SMNDC1: variants seen among roughly 807,000 people sequenced by gnomAD.
SMNDC1 encodes survival of motor neuron-related-splicing factor 30.
Under a neutral mutation model 29.2 loss-of-function variants are expected in SMNDC1, and 5 were observed. The ratio of observed to expected loss-of-function variants is 0.17; its 90% CI spans 0.09 to 0.36. The LOEUF (loss-of-function observed/expected upper bound fraction) is 0.36. Ranked by LOEUF, SMNDC1 falls within the 10% of genes least tolerant of loss-of-function variation. The pLI is 1.00. For missense variants in SMNDC1, 142 were observed against 268.5 expected, an observed-to-expected ratio of 0.53 and a Z score of 3.29; for synonymous variants, 80 against 89.9, an observed-to-expected ratio of 0.89 and a Z score of 0.62.
At chr10:110,294,314 C>A in intron 5 of SMNDC1, 27 bp from the exon 6 acceptor site, 1 of 1,546,118 alleles carries the variant, frequency 6.5e-7, no homozygotes, top group Non-Finnish European at 8.7e-7. Context: ...AGAAATCATT[C>A]CTGATTAGTG....
chr10:110,304,400 C>G (rs1220740319), intron 1 of SMNDC1: 1 of 152,418 alleles, frequency 6.6e-6, no homozygotes, highest in Non-Finnish European at 1.5e-5. Context: ...CACCTCAAAG[C>G]CCGCCACAAC....
chr10:110,296,748 C>CT (rs1857567215), intron 4 of SMNDC1, among the ~76,000 whole-genome samples: 1 of 152,154 alleles, frequency 6.6e-6, no homozygotes, highest in Non-Finnish European at 1.5e-5. Context: ...CTTACAAGCT[C>CT]TTTATGTTCT....
chr10:110,301,380 G>A (rs1489701556), intron 2 of SMNDC1, among the ~76,000 whole-genome samples: 2 of 146,674 alleles, frequency 1.4e-5, no homozygotes, highest in Admixed American at 6.8e-5. Flanking sequence ...CTTAAAAGAT[G>A]GTTTCCGTTT....
rs1352403387 is a variant in SMNDC1, at chr10:110,292,834, C to T, written c.*1316G>A. ...CCCTTCCACCAAAAATCTACAAACA[C>T]CCATTAAAATGAGGACATCCTATAA... On this transcript the variant is annotated 3_prime_UTR_variant, in exon 6 of 6. Transcript: ENST00000369603. The T allele has an allele frequency of 6.6e-6, 1 of 152,148 alleles. No homozygotes were observed. The highest frequency in any genetic ancestry group is 1.9e-4 in the East Asian group (1 of 5,202). 9.4% of individuals were successfully genotyped at this position (152,148 alleles called of 1,614,324 possible).
intron 2 of SMNDC1, among the ~76,000 whole-genome samples, chr10:110,299,572 C>T (rs1048895950): frequency 2.2e-4 from 34 of 152,078 alleles, no homozygotes; most frequent in African/African-American, 8.0e-4. Flanking sequence ...CAGTACAAGC[C>T]GACAGATTCT....
In SMNDC1 at chr10:110,294,020, A is replaced by G; in HGVS notation, c.*130T>C. ...ATGCAATTTCTTCACGTTTCATTCT[A>G]CTGAAGCCAACCAATGACGACAATG... On this transcript the variant is annotated 3_prime_UTR_variant, in exon 6 of 6. Coordinates refer to ENST00000369603, the MANE Select transcript of SMNDC1 (RefSeq NM_005871.4). The G allele has an allele frequency of 1.5e-6, 1 of 665,420 alleles. No homozygotes were observed. The highest frequency in any genetic ancestry group is 2.4e-6 in the Non-Finnish European group (1 of 419,748). 41.2% of individuals were successfully genotyped at this position (665,420 alleles called of 1,614,324 possible).
chr10:110,296,963 T>C (rs1172218145), intron 4 of SMNDC1, among the ~76,000 whole-genome samples: 2 of 152,224 alleles, frequency 1.3e-5, no homozygotes, highest in Non-Finnish European at 2.9e-5. Context: ...GCCCCTATCT[T>C]ACAGATGAGG....
At chr10:110,299,003 A>C (rs1229144252) in intron 2 of SMNDC1, among the ~76,000 whole-genome samples, 1 of 152,200 alleles carries the variant, frequency 6.6e-6, no homozygotes, top group East Asian at 1.9e-4. Flanking sequence ...ACTTAAGCCC[A>C]TATAGTTGCC....
In SMNDC1 at chr10:110,300,740, T is replaced by C. The variant is rs1215269498; in HGVS notation, c.121-1950A>G. The C allele has an allele frequency of 4.1e-6, 4 of 985,010 alleles. No homozygotes were observed. In the Admixed American group the frequency reaches 1.8e-4, roughly 45 times the overall value. 61.0% of individuals were successfully genotyped at this position (985,010 alleles called of 1,614,324 possible). On this transcript the variant is annotated intron_variant, in intron 2 of 5. Coordinates refer to ENST00000369603, the MANE Select transcript of SMNDC1 (RefSeq NM_005871.4). ...GTTTCGGGGATGCAGAGAGCCACTGTAATATATGAGACAAGTGACTTGACC... is the reference window on the plus strand; with the variant it reads ...GTTTCGGGGATGCAGAGAGCCACTGCAATATATGAGACAAGTGACTTGACC...
chr10:110,300,053 T>C (rs539884119), intron 2 of SMNDC1, among the ~76,000 whole-genome samples: 7 of 152,294 alleles, frequency 4.6e-5, no homozygotes, highest in Admixed American at 4.6e-4. Flanking sequence ...CTAGATCAAG[T>C]AGTACACAAC....
chr10:110,298,912 A>G, intron 2 of SMNDC1, 122 bp from the exon 3 acceptor site: 1 of 682,174 alleles, frequency 1.5e-6, no homozygotes. Flanking sequence ...TGCAGCTCAT[A>G]ACACTATTAA....
intron 2 of SMNDC1, among the ~76,000 whole-genome samples, chr10:110,303,169 G>A (rs1019081758): frequency 6.6e-6 from 1 of 152,162 alleles, no homozygotes; most frequent in African/African-American, 2.4e-5. Flanking sequence ...TTTTCATTGT[G>A]AAGTTACATG....
Position 110,304,878 on chromosome 10 carries a change from G to T in SMNDC1, c.-131C>A. The T allele has an allele frequency of 6.5e-6, 1 of 152,946 alleles. No homozygotes were observed. Among genetic ancestry groups the T allele is most frequent in the Non-Finnish European group, 1.5e-5 (1 of 68,534 alleles). The allele number at this position is 152,946 out of a possible 1,614,324, so 9.5% of individuals were successfully genotyped here. ...CGACGACAGCAAGGCGACCCGGTCTGAAAAGGAAGAACTCGGTCGGCGGCG... is the reference window on the plus strand; with the variant it reads ...CGACGACAGCAAGGCGACCCGGTCTTAAAAGGAAGAACTCGGTCGGCGGCG... On this transcript the variant is annotated 5_prime_UTR_variant, in exon 1 of 6. Coordinates refer to ENST00000369603, the MANE Select transcript of SMNDC1 (RefSeq NM_005871.4).
chr10:110,296,983 T>TA (rs1857571673), intron 4 of SMNDC1, among the ~76,000 whole-genome samples: 1 of 152,230 alleles, frequency 6.6e-6, no homozygotes, highest in Non-Finnish European at 1.5e-5. Context: ...GAAACAGAGT[T>TA]AAACAGCTTC....
Position 110,297,548 on chromosome 10 carries a change from A to C in SMNDC1, c.425+19T>G. On this transcript the variant is annotated intron_variant, in intron 4 of 5. Coordinates refer to ENST00000369603, the MANE Select transcript of SMNDC1 (RefSeq NM_005871.4). ...ATGGGGAAGATTGCACCTAAAATGG[A>C]AAAGTCAAAGTCACTTACTTTGACA... 1 of 1,608,302 alleles carries C rather than the reference A, an allele frequency of 6.2e-7. No individual in the cohort carries two copies. The highest frequency in any genetic ancestry group is 8.5e-7 in the Non-Finnish European group (1 of 1,177,032).
At position 110,291,139 on chromosome 10, in the gene SMNDC1, A is replaced by G. The variant is rs552957911; in HGVS notation, c.*3011T>C. The G allele has an allele frequency of 5.8e-4, 88 of 152,344 alleles. No homozygotes were observed. Among genetic ancestry groups the G allele is most frequent in the African/African-American group, 2.1e-3 (86 of 41,588 alleles). 9.4% of individuals were successfully genotyped at this position (152,344 alleles called of 1,614,324 possible). ...TAAAAGGTAATTTTTCTTCATTTCC[A>G]AAGTCAAACTTTTATAGTTAACAGT... On this transcript the variant is annotated 3_prime_UTR_variant, in exon 6 of 6. Transcript: ENST00000369603.
At chr10:110,295,161 C>A in intron 5 of SMNDC1, 67 bp downstream of exon 5, 1 of 1,422,378 alleles carries the variant, frequency 7.0e-7, no homozygotes, top group Non-Finnish European at 9.5e-7. Flanking sequence ...CATCTCTTTT[C>A]ATTTTAAAGT....
In SMNDC1 at chr10:110,303,363, T is replaced by C. The variant is rs532764521; in HGVS notation, c.120+105A>G. On this transcript the variant is annotated intron_variant, in intron 2 of 5. Transcript: ENST00000369603. ...ATGGTACCTACAGAATTTACATATA[T>C]ACATAGGGTGGGGTGTAACCCCTCA... 5.0e-5 allele frequency: 48 copies of C among 952,448 alleles called. No individual in the cohort carries two copies. In the African/African-American group the frequency reaches 7.7e-4, roughly 15 times the overall value. The allele number at this position is 952,448 out of a possible 1,614,324, so 59.0% of individuals were successfully genotyped here. A position where few individuals can be genotyped will look rare whatever the true frequency, so the allele number is the denominator to read the frequency against.
chr10:110,302,640 C>G (rs1245967591), intron 2 of SMNDC1, among the ~76,000 whole-genome samples: 1 of 152,126 alleles, frequency 6.6e-6, no homozygotes, highest in Non-Finnish European at 1.5e-5. Flanking sequence ...AATCTCTAAT[C>G]AAAACACCCT....
Sources: allele counts gnomAD v4.1 joint callset (sites outside exome capture counted in the v4.1 genomes callset), GRCh38; gene constraint gnomAD v4.1.1; transcripts MANE v1.5; gene names NCBI Gene and HGNC (gene_info 2026-07-23, HGNC 2026-07-21).